Variants in ZNF385D observed in about 807,000 individuals in gnomAD.
ZNF385D encodes zinc finger protein 659.
A neutral mutation model predicts 35.8 loss-of-function variants in ZNF385D; 15 were observed. The ratio of observed to expected loss-of-function variants is 0.42; its 90% confidence interval spans 0.28 to 0.64. ZNF385D has a LOEUF of 0.64. Among genes scored for constraint, ZNF385D ranks in the 30% least tolerant of loss-of-function variants. ZNF385D has a pLI of 0.23. For synonymous variants in ZNF385D, 212 were observed against 186.8 expected (o/e 1.13, Z -1.10); for missense variants, 474 against 494.6 (o/e 0.96, Z 0.39).
rs1175162614 is a variant in ZNF385D at position 22,057,489 on chromosome 3, T to G, written c.325+111328A>C. On this transcript the variant is annotated intron_variant, in intron 3 of 5. Transcript: ENST00000494108. ...GCAGATGCAAATTACTCCAAAACAT[T>G]ATTTATTTATTTTCTTTTAAAGTAT... Among the ~76,000 whole-genome samples, 13 of 150,882 alleles carry G rather than the reference T, an allele frequency of 8.6e-5. No homozygotes were observed. In the Admixed American group the frequency reaches 8.7e-4, roughly 10 times the overall value.
At chr3:22,095,489 C>A (rs1320063958) in intron 3 of ZNF385D, among the ~76,000 whole-genome samples, 1 of 151,918 alleles carries the variant, frequency 6.6e-6, no homozygotes, top group Non-Finnish European at 1.5e-5. Flanking sequence ...TGGGACAATG[C>A]TCTCAAGCTA....
At chr3:22,273,304 G>C (rs758295934) in intron 2 of ZNF385D, among the ~76,000 whole-genome samples, 2 of 151,960 alleles carry the variant, frequency 1.3e-5, no homozygotes, top group African/African-American at 2.4e-5. Context: ...CAGTAAACTA[G>C]TAACATGAAT....
chr3:21,759,834 T>G (rs879256356), intron 3 of ZNF385D, among the ~76,000 whole-genome samples: 6 of 152,176 alleles, frequency 3.9e-5, no homozygotes, highest in Admixed American at 2.6e-4. Context: ...TCCAGTAAAT[T>G]TGGATGCTTT....
intron 2 of ZNF385D, among the ~76,000 whole-genome samples, chr3:22,259,521 T>C (rs1446578332): frequency 1.3e-5 from 2 of 151,982 alleles, no homozygotes; most frequent in Non-Finnish European, 2.9e-5. Flanking sequence ...ACAGCACCTT[T>C]CCTTGAGACA....
At chr3:21,967,043 A>G (rs1193884724) in intron 3 of ZNF385D, among the ~76,000 whole-genome samples, 2 of 152,198 alleles carry the variant, frequency 1.3e-5, no homozygotes, top group Non-Finnish European at 2.9e-5. Context: ...TATAGTAAAA[A>G]CTATTAATTC....
Position 21,905,205 on chromosome 3 carries a change from C to CAAA in ZNF385D, c.326-240180_326-240178dup, listed in dbSNP as rs63147760. On this transcript the variant is annotated intron_variant, in intron 3 of 5. Transcript: ENST00000494108. ...CATGGTGGTCCAGTAACAAAAAATC[C>CAAA]AAAAAAAAAAAAAAAAAAAAAAACC... Among the ~76,000 whole-genome samples the CAAA allele has an allele frequency of 1.5e-3, 102 of 69,696 alleles. 2 individuals carry two copies. Among genetic ancestry groups the CAAA allele is most frequent in the African/African-American group, 2.0e-3 (36 of 17,598 alleles). The allele number at this position is 69,696 out of a possible 152,430, so 45.7% of individuals were successfully genotyped here.
At chr3:22,164,432 T>C (rs1171683574) in intron 3 of ZNF385D, among the ~76,000 whole-genome samples, 1 of 151,778 alleles carries the variant, frequency 6.6e-6, no homozygotes, top group Non-Finnish European at 1.5e-5. Flanking sequence ...TTTCACCATG[T>C]TTGCCAGGAT....
chr3:21,629,198 T>C (rs1015612689), intron 2 of ZNF385D, among the ~76,000 whole-genome samples: 2 of 152,070 alleles, frequency 1.3e-5, no homozygotes, highest in Non-Finnish European at 2.9e-5. Flanking sequence ...GAAGACTTTC[T>C]AAAAGTTGTG....
At chr3:22,208,231 T>C (rs1697284157) in intron 2 of ZNF385D, among the ~76,000 whole-genome samples, 1 of 151,952 alleles carries the variant, frequency 6.6e-6, no homozygotes, top group Non-Finnish European at 1.5e-5. Flanking sequence ...ATGTGCTACA[T>C]ATACACAATG....
intron 3 of ZNF385D, among the ~76,000 whole-genome samples, chr3:21,758,505 A>G (rs2070448571): frequency 1.3e-5 from 2 of 152,174 alleles, no homozygotes; most frequent in Admixed American, 6.5e-5. Flanking sequence ...ATCAGGCAAG[A>G]GACACATCAG....
At chr3:21,664,205 AAC>A (rs1361392006) in intron 2 of ZNF385D, among the ~76,000 whole-genome samples, 1 of 152,066 alleles carries the variant, frequency 6.6e-6, no homozygotes, top group Non-Finnish European at 1.5e-5. Flanking sequence ...CAGAAAAAGA[AAC>A]ACACGATGGT....
At chr3:22,319,006 G>A (rs968412822) in intron 2 of ZNF385D, among the ~76,000 whole-genome samples, 1 of 152,090 alleles carries the variant, frequency 6.6e-6, no homozygotes. Flanking sequence ...TGACCAAAGA[G>A]GTTACCTAAA....
Position 22,357,147 on chromosome 3 carries a change from C to A in ZNF385D, c.106+15303G>T, listed in dbSNP as rs113009832. On this transcript the variant is annotated intron_variant, in intron 2 of 5. Coordinates refer to the ZNF385D transcript ENST00000494108. Reference sequence around the variant, plus strand: ...TCCTGTCTTAACACAATGAAGCTTTCGGATGGGAAGAAAAATAGACCAGAA... The same window carrying A: ...TCCTGTCTTAACACAATGAAGCTTTAGGATGGGAAGAAAAATAGACCAGAA... Among the ~76,000 whole-genome samples, 1,397 of 151,876 alleles carry A rather than the reference C, an allele frequency of 9.2e-3. 19 individuals carry two copies. The highest frequency in any genetic ancestry group is 0.031 in the African/African-American group (1,301 of 41,478).
chr3:22,193,854 A>T (rs949972106), intron 2 of ZNF385D, among the ~76,000 whole-genome samples: 2 of 151,986 alleles, frequency 1.3e-5, no homozygotes, highest in African/African-American at 2.4e-5. Context: ...TATATTTTTA[A>T]ATGGCTTTCA....
At chr3:22,035,890 C>T (rs1272563922) in intron 3 of ZNF385D, among the ~76,000 whole-genome samples, 2 of 151,436 alleles carry the variant, frequency 1.3e-5, no homozygotes, top group African/African-American at 4.9e-5. Flanking sequence ...TTGCCAGTGG[C>T]TTGCTGATAA....
chr3:21,954,464 A>T (rs867580598), intron 3 of ZNF385D, among the ~76,000 whole-genome samples: 3 of 152,034 alleles, frequency 2.0e-5, no homozygotes, highest in Non-Finnish European at 4.4e-5. Flanking sequence ...CACTTAGAAT[A>T]ACTCCTCAAC....
At chr3:22,366,617 G>T (rs1223352158) in intron 2 of ZNF385D, among the ~76,000 whole-genome samples, 3 of 152,120 alleles carry the variant, frequency 2.0e-5, no homozygotes, top group African/African-American at 7.2e-5. Context: ...TTTAAAAGAT[G>T]ATTGTGGTAG....
At chr3:21,975,739 A>ATATATATATG (rs1553711019) in intron 3 of ZNF385D, among the ~76,000 whole-genome samples, 662 of 48,236 alleles carry the variant, frequency 0.014, 16 homozygotes, top group Middle Eastern at 0.033. Context: ...ATATATATAT[A>ATATATATATG]TATATATATA....
chr3:21,858,723 AACAGACTAAG>A (rs1696873076), intron 3 of ZNF385D, among the ~76,000 whole-genome samples: 1 of 152,150 alleles, frequency 6.6e-6, no homozygotes, highest in Admixed American at 6.6e-5. Context: ...AAGCTGTCTG[AACAGACTAAG>A]ACAGCACGAA....
Sources: allele counts gnomAD v4.1 joint callset (sites outside exome capture counted in the v4.1 genomes callset), GRCh38; gene constraint gnomAD v4.1.1; transcripts MANE v1.5; gene names NCBI Gene and HGNC (gene_info 2026-07-23, HGNC 2026-07-21).